MTUS2: variants seen among roughly 807,000 people sequenced by gnomAD.
MTUS2 encodes microtubule associated scaffold protein 2, also known as microtubule-associated tumor suppressor candidate 2.
A neutral mutation model predicts 114.1 loss-of-function variants in MTUS2; 40 were observed. The ratio of observed to expected loss-of-function variants is 0.35; its 90% CI spans 0.27 to 0.46. MTUS2 has a LOEUF of 0.46. MTUS2 is among the 20% of genes least tolerant of loss of function. The probability of loss-of-function intolerance (pLI) is 1.00; values close to 1 mark genes in which losing one functional copy is unlikely to be tolerated. For synonymous variants in MTUS2, 688 were observed against 672.0 expected (o/e 1.02, Z -0.37); for missense variants, 1,679 against 1,705.4 (o/e 0.98, Z 0.27).
intron 8 of MTUS2, among the ~76,000 whole-genome samples, chr13:29,381,174 A>T (rs964120372): frequency 1.3e-5 from 2 of 152,188 alleles, no homozygotes; most frequent in Non-Finnish European, 2.9e-5. Flanking sequence ...TTCTGCCCAG[A>T]TACAGATGCT....
chr13:29,037,712 T>C (rs748308084), intron 4 of MTUS2, among the ~76,000 whole-genome samples: 12 of 152,192 alleles, frequency 7.9e-5, no homozygotes, highest in Admixed American at 6.5e-5. Flanking sequence ...GTTCATTCCT[T>C]TTCATTCTTT....
chr13:29,241,093 A>C (rs751614739), intron 5 of MTUS2, among the ~76,000 whole-genome samples: 8 of 152,216 alleles, frequency 5.3e-5, no homozygotes, highest in African/African-American at 1.7e-4. Context: ...TATCAAATAC[A>C]TACTGCCCTA....
chr13:28,972,091 G>A (rs4768987), intron 2 of MTUS2, among the ~76,000 whole-genome samples: 70,865 of 152,036 alleles, frequency 0.47, 16,999 homozygotes, highest in East Asian at 0.69. Context: ...AACTCTGCAC[G>A]CAGAACAACT....
chr13:29,383,252 G>GTGTGTGTGTGTGTGTGTGTGTT (rs5802519), intron 8 of MTUS2, among the ~76,000 whole-genome samples: 2 of 135,916 alleles, frequency 1.5e-5, no homozygotes, highest in African/African-American at 2.9e-5. Context: ...GTGTGTGTGT[G>GTGTGTGTGTGTGTGTGTGTGTT]TATTTATTTT....
intron 5 of MTUS2, among the ~76,000 whole-genome samples, chr13:29,174,196 T>A (rs1161169972): frequency 6.6e-6 from 1 of 152,182 alleles, no homozygotes; most frequent in Non-Finnish European, 1.5e-5. Context: ...AATACAATGA[T>A]ATGCCTACAC....
rs574417313 is a variant in MTUS2 at position 28,969,794 on chromosome 13, C to T, written c.-242-54663C>T. ...CTGGGATTACAGGCGTGAGCCACTG[C>T]GCCCGGCTGAAGTTTTGCTCTTTTT... On this transcript the variant is annotated intron_variant, in intron 2 of 15. Coordinates refer to ENST00000612955, the MANE Select transcript of MTUS2 (RefSeq NM_001033602.4). Among the ~76,000 whole-genome samples, 14 of 143,910 alleles carry T rather than the reference C, an allele frequency of 9.7e-5. No individual in the cohort carries two copies. In the East Asian group the frequency reaches 2.0e-3, roughly 21 times the overall value. The allele number at this position is 143,910 out of a possible 152,430, so 94.4% of individuals were successfully genotyped here.
chr13:29,138,839 A>C (rs1892096305), intron 5 of MTUS2, among the ~76,000 whole-genome samples: 2 of 152,168 alleles, frequency 1.3e-5, no homozygotes. Context: ...CACCATATGA[A>C]TAATATTTTA....
At chr13:29,492,860 G>C in intron 12 of MTUS2, 141 bp downstream of exon 12, 1 of 671,920 alleles carries the variant, frequency 1.5e-6, no homozygotes, top group African/African-American at 1.8e-5. Context: ...AGTCATACTC[G>C]CTACTCTTAA....
rs569324671 is a variant in MTUS2, at chr13:29,363,123, G to C, written c.3117+3650G>C. ...TCAGGGACGGACTCGCGCTCCTTAG[G>C]GTCAGGTTGAATGGTGTGATGGTGC... On this transcript the variant is annotated intron_variant, in intron 8 of 15. Coordinates refer to ENST00000612955, the MANE Select transcript of MTUS2 (RefSeq NM_001033602.4). Among the ~76,000 whole-genome samples the C allele has an allele frequency of 2.1e-4, 32 of 152,114 alleles. No homozygotes were observed. The South Asian group carries it at 6.6e-3, about 32-fold the overall frequency.
At chr13:29,167,150 G>A (rs542234101) in intron 5 of MTUS2, among the ~76,000 whole-genome samples, 13 of 152,138 alleles carry the variant, frequency 8.5e-5, no homozygotes, top group Non-Finnish European at 1.6e-4. Context: ...CTAGGCGGGC[G>A]GATCACGAGG....
intron 5 of MTUS2, among the ~76,000 whole-genome samples, chr13:29,214,040 T>C (rs1895571154): frequency 1.3e-5 from 2 of 152,204 alleles, no homozygotes; most frequent in Non-Finnish European, 2.9e-5. Flanking sequence ...CCTTTAACTT[T>C]CTAGCTTCAA....
chr13:29,367,839 G>T (rs922831104), intron 8 of MTUS2, among the ~76,000 whole-genome samples: 1 of 152,036 alleles, frequency 6.6e-6, no homozygotes, highest in African/African-American at 2.4e-5. Context: ...ATCTGCTCCG[G>T]AACTGTACAT....
At chr13:28,832,915 GAAATA>G (rs960252301) in intron 1 of MTUS2, among the ~76,000 whole-genome samples, 10 of 151,678 alleles carry the variant, frequency 6.6e-5, no homozygotes, top group African/African-American at 1.5e-4. Flanking sequence ...CCATTTTAGA[GAAATA>G]AAATAAGAAC....
intron 2 of MTUS2, among the ~76,000 whole-genome samples, chr13:28,917,665 A>G (rs1394315491): frequency 1.3e-5 from 2 of 151,738 alleles, no homozygotes; most frequent in African/African-American, 4.8e-5. Flanking sequence ...TATTCTTTCA[A>G]AAAACCAAGA....
intron 4 of MTUS2, among the ~76,000 whole-genome samples, chr13:29,046,302 G>A (rs1239549982): frequency 3.3e-5 from 5 of 151,678 alleles, no homozygotes; most frequent in African/African-American, 1.2e-4. Flanking sequence ...TTTTTGTAGA[G>A]ATGAGGTCTC....
chr13:29,243,935 T>G (rs1215676598), intron 5 of MTUS2, among the ~76,000 whole-genome samples: 1 of 152,186 alleles, frequency 6.6e-6, no homozygotes, highest in Non-Finnish European at 1.5e-5. Flanking sequence ...TAGTTGGGAT[T>G]AATAGCAACA....
intron 2 of MTUS2, among the ~76,000 whole-genome samples, chr13:28,988,024 G>C (rs1388243309): frequency 6.6e-6 from 1 of 152,234 alleles, no homozygotes. Flanking sequence ...AATGAAGTCA[G>C]AATGTCTGGA....
intron 2 of MTUS2, among the ~76,000 whole-genome samples, chr13:28,890,495 A>G (rs531896739): frequency 1.6e-4 from 24 of 152,316 alleles, no homozygotes; most frequent in Non-Finnish European, 3.2e-4. Context: ...CAAAATGGAG[A>G]CAATAATAAT....
intron 2 of MTUS2, among the ~76,000 whole-genome samples, chr13:28,852,971 A>ACATACATT (rs1876389944): frequency 6.6e-6 from 1 of 151,664 alleles, no homozygotes; most frequent in African/African-American, 2.4e-5. Context: ...ATACATACAT[A>ACATACATT]CATTCATTCA....
Sources: gnomAD v4.1 joint callset for allele counts (sites outside exome capture counted in the v4.1 genomes callset) on GRCh38, gnomAD v4.1.1 for gene constraint, MANE v1.5 for transcripts, NCBI Gene and HGNC (gene_info 2026-07-23, HGNC 2026-07-21) for gene names.